FBXL17: variants seen among roughly 807,000 people sequenced by gnomAD.
FBXL17 encodes F-box/LRR-repeat protein 17.
Under a neutral mutation model 66.2 loss-of-function variants are expected in FBXL17, and 22 were observed. The observed-to-expected ratio is 0.33, with a 90% CI of 0.24 to 0.47. FBXL17 has a LOEUF of 0.47. Among genes scored for constraint, FBXL17 ranks in the 20% least tolerant of loss-of-function variants. FBXL17 has a pLI of 1.00. For missense variants in FBXL17, 878 were observed against 948.2 expected (o/e 0.93, Z 0.97); for synonymous variants, 474 against 400.5 (o/e 1.18, Z -2.19).
intron 6 of FBXL17, among the ~76,000 whole-genome samples, chr5:108,061,697 C>A (rs1396349157): frequency 1.3e-5 from 2 of 152,144 alleles, no homozygotes; most frequent in East Asian, 1.9e-4. Context: ...TGCACTAGTA[C>A]CTATTTCTAC....
At chr5:107,956,050 T>C (rs2112617040) in intron 7 of FBXL17, among the ~76,000 whole-genome samples, 1 of 152,270 alleles carries the variant, frequency 6.6e-6, no homozygotes. Flanking sequence ...GAAGGAATCT[T>C]ATCAATGGCA....
At chr5:107,993,115 T>G (rs1753325054) in intron 7 of FBXL17, among the ~76,000 whole-genome samples, 1 of 152,176 alleles carries the variant, frequency 6.6e-6, no homozygotes, top group Admixed American at 6.5e-5. Flanking sequence ...CAGGATGGTC[T>G]CGATCTCCTG....
chr5:108,355,858 G>A (rs1747951614), intron 3 of FBXL17, among the ~76,000 whole-genome samples: 1 of 152,038 alleles, frequency 6.6e-6, no homozygotes, highest in South Asian at 2.1e-4. Context: ...AAACATTAAC[G>A]GATATGGTAG....
At chr5:108,301,306 T>A (rs562433309) in intron 4 of FBXL17, among the ~76,000 whole-genome samples, 1 of 151,746 alleles carries the variant, frequency 6.6e-6, no homozygotes. Flanking sequence ...TAAAAATGCA[T>A]AATAAAAAGA....
chr5:107,864,456 T>C (rs929797121), intron 8 of FBXL17, among the ~76,000 whole-genome samples: 1 of 152,210 alleles, frequency 6.6e-6, no homozygotes, highest in African/African-American at 2.4e-5. Context: ...CTTAATAACA[T>C]AGTCCAGGTT....
chr5:107,910,654 TATA>T (rs1749921342), intron 7 of FBXL17, among the ~76,000 whole-genome samples: 1 of 152,006 alleles, frequency 6.6e-6, no homozygotes, highest in Non-Finnish European at 1.5e-5. Context: ...CCTAAAAAAG[TATA>T]AGAAACTCAA....
chr5:108,288,564 C>A (rs2966829), intron 4 of FBXL17, among the ~76,000 whole-genome samples: 1 of 151,838 alleles, frequency 6.6e-6, no homozygotes, highest in Non-Finnish European at 1.5e-5. Flanking sequence ...AATGTTCACA[C>A]AGTAATGATA....
At chr5:108,016,293 G>A (rs905924417) in intron 7 of FBXL17, among the ~76,000 whole-genome samples, 1 of 152,126 alleles carries the variant, frequency 6.6e-6, no homozygotes, top group African/African-American at 2.4e-5. Flanking sequence ...GCAGTCCACG[G>A]GTCTGTGGAA....
intron 8 of FBXL17, among the ~76,000 whole-genome samples, chr5:107,870,393 G>T (rs1748406241): frequency 6.6e-6 from 1 of 152,092 alleles, no homozygotes. Context: ...GGTAAAAATG[G>T]ACTGGCTTCC....
At chr5:108,061,529 G>A (rs544145874) in intron 6 of FBXL17, among the ~76,000 whole-genome samples, 35 of 151,966 alleles carry the variant, frequency 2.3e-4, no homozygotes, top group South Asian at 1.0e-3. Context: ...GTCACAAATC[G>A]TTCAAAAGTT....
In FBXL17 at chr5:108,299,817, G is replaced by A. The variant is rs1236817683; in HGVS notation, c.1506+48582C>T. 9 of 984,692 alleles carry A rather than the reference G, an allele frequency of 9.1e-6. No individual in the cohort carries two copies. In the South Asian group the frequency reaches 1.4e-4, roughly 15 times the overall value. 61.0% of individuals were successfully genotyped at this position (984,692 alleles called of 1,614,324 possible). On this transcript the variant is annotated intron_variant, in intron 4 of 8. Transcript: ENST00000542267. The stretch of plus-strand genomic sequence containing the variant: ...CTAAATAGCGTGGACACAATAACAC[G>A]ACAAAATGTCAGTCGAGAATCTGAA...
intron 4 of FBXL17, among the ~76,000 whole-genome samples, chr5:108,304,269 G>C (rs1290127326): frequency 6.6e-6 from 1 of 151,900 alleles, no homozygotes; most frequent in East Asian, 1.9e-4. Flanking sequence ...TCTAGAAAAA[G>C]TATTTTAATC....
intron 7 of FBXL17, among the ~76,000 whole-genome samples, chr5:108,012,134 T>G (rs1754200469): frequency 6.6e-6 from 1 of 152,298 alleles, no homozygotes; most frequent in South Asian, 2.1e-4. Flanking sequence ...GCAAATTAAC[T>G]AAAACCTGTC....
rs905469033 is a variant in FBXL17, at chr5:107,999,690, A to G, written c.1822+21235T>C. ...CAGACACAACTCAGACCTTGCTTTC[A>G]AAGAGGATATAAGCAAAAGGAGGCA... is the stretch of plus-strand genomic sequence containing the variant. On this transcript the variant is annotated intron_variant, in intron 7 of 8. Transcript: ENST00000542267. Among the ~76,000 whole-genome samples the G allele has an allele frequency of 6.6e-5, 10 of 152,088 alleles. 1 individual carries two copies. The highest frequency in any genetic ancestry group is 2.1e-4 in the South Asian group (1 of 4,818).
chr5:108,224,260 G>T (rs1469192962), intron 4 of FBXL17, 32 bp from the exon 5 acceptor site: 2 of 1,321,982 alleles, frequency 1.5e-6, no homozygotes, highest in Non-Finnish European at 2.2e-6. Flanking sequence ...AATTATTCAA[G>T]GTAATAGTCC....
chr5:108,119,679 G>A (rs1750407660), intron 6 of FBXL17, among the ~76,000 whole-genome samples: 1 of 152,148 alleles, frequency 6.6e-6, no homozygotes, highest in Non-Finnish European at 1.5e-5. Context: ...ATAGTAACTT[G>A]TTACTTTACT....
At chr5:107,943,795 G>C (rs1378358236) in intron 7 of FBXL17, among the ~76,000 whole-genome samples, 2 of 152,058 alleles carry the variant, frequency 1.3e-5, no homozygotes, top group African/African-American at 2.4e-5. Context: ...TTACTACCTG[G>C]TCCTTCAGAG....
intron 4 of FBXL17, among the ~76,000 whole-genome samples, chr5:108,235,927 T>C (rs1755581705): frequency 6.6e-6 from 1 of 152,232 alleles, no homozygotes; most frequent in South Asian, 2.1e-4. Flanking sequence ...CTATTGATTT[T>C]ATTGGTTCCA....
At chr5:108,174,403 A>G (rs184015389) in intron 6 of FBXL17, among the ~76,000 whole-genome samples, 4 of 152,310 alleles carry the variant, frequency 2.6e-5, no homozygotes, top group African/African-American at 7.2e-5. Context: ...TTCAAAAGAC[A>G]GTTCCAAAGT....
Sources: allele counts gnomAD v4.1 joint callset (sites outside exome capture counted in the v4.1 genomes callset), GRCh38; gene constraint gnomAD v4.1.1; transcripts MANE v1.5; gene names NCBI Gene and HGNC (gene_info 2026-07-23, HGNC 2026-07-21).